The following PRKAR2B variants were observed in gnomAD, a reference collection of about 807,000 sequenced individuals.
The protein encoded by PRKAR2B is protein kinase cAMP-dependent type II regulatory subunit beta, also known as cAMP-dependent protein kinase type II-beta regulatory subunit.
In PRKAR2B, 14 loss-of-function variants were observed where a neutral mutation model predicts 49.9. The ratio of observed to expected loss-of-function variants is 0.28; its 90% CI spans 0.19 to 0.44. PRKAR2B has a LOEUF of 0.44. Ranked by LOEUF, PRKAR2B falls within the 20% of genes least tolerant of loss-of-function variation. The pLI is 1.00. For synonymous variants in PRKAR2B, 196 were observed against 197.7 expected (o/e 0.99, Z 0.07); for missense variants, 393 against 537.9 (o/e 0.73, Z 2.67).
At chr7:107,066,301 G>GTGTGTGT (rs1554362906) in intron 1 of PRKAR2B, among the ~76,000 whole-genome samples, 22 of 145,512 alleles carry the variant, frequency 1.5e-4, no homozygotes, top group African/African-American at 4.7e-4. Context: ...CTCTATGTGG[G>GTGTGTGT]GTGTGTGTGT....
At chr7:107,111,805 C>T (rs77649336) in intron 2 of PRKAR2B, among the ~76,000 whole-genome samples, 2 of 151,704 alleles carry the variant, frequency 1.3e-5, no homozygotes, top group African/African-American at 4.8e-5. Context: ...TCTAAACTGA[C>T]CCCTCTGTTC....
chr7:107,068,804 G>A (rs187658893), intron 1 of PRKAR2B: 1 of 152,266 alleles, frequency 6.6e-6, no homozygotes, highest in Admixed American at 6.5e-5. Flanking sequence ...CTCTGAGGCA[G>A]CGTTTTGATG....
intron 6 of PRKAR2B, among the ~76,000 whole-genome samples, chr7:107,149,793 A>G (rs1795950381): frequency 6.6e-6 from 1 of 152,212 alleles, no homozygotes; most frequent in East Asian, 1.9e-4. Context: ...AAGACCTAGT[A>G]TTTGGTAGCA....
chr7:107,116,866 CATATATATATATACACACATATAT>C (rs1795282877), intron 2 of PRKAR2B, among the ~76,000 whole-genome samples: 2 of 143,170 alleles, frequency 1.4e-5, no homozygotes, highest in Admixed American at 1.4e-4. Flanking sequence ...TATATATATA[CATATATATATATACACACATATAT>C]ATATATGTGT....
chr7:107,098,890 A>G (rs939804572), intron 2 of PRKAR2B, among the ~76,000 whole-genome samples: 48 of 152,198 alleles, frequency 3.2e-4, no homozygotes, highest in Non-Finnish European at 1.9e-4. Flanking sequence ...TTTGTCTCAT[A>G]GGGGCACCCA....
intron 1 of PRKAR2B, among the ~76,000 whole-genome samples, chr7:107,055,589 C>G (rs1042886432): frequency 6.6e-6 from 1 of 152,114 alleles, no homozygotes; most frequent in African/African-American, 2.4e-5. Flanking sequence ...TTTCATGTGT[C>G]TTTTGGCTGC....
intron 4 of PRKAR2B, among the ~76,000 whole-genome samples, chr7:107,138,834 C>T (rs1463526348): frequency 6.6e-6 from 1 of 152,084 alleles, no homozygotes; most frequent in Non-Finnish European, 1.5e-5. Flanking sequence ...CAAGTGTGCA[C>T]CACCATGCCC....
chr7:107,125,558 A>G (rs1283862521), intron 3 of PRKAR2B, among the ~76,000 whole-genome samples: 1 of 152,200 alleles, frequency 6.6e-6, no homozygotes, highest in Non-Finnish European at 1.5e-5. Context: ...GGAAAAATGT[A>G]GGAGAGCATC....
intron 2 of PRKAR2B, among the ~76,000 whole-genome samples, chr7:107,112,928 A>G (rs1042430335): frequency 6.6e-6 from 1 of 152,092 alleles, no homozygotes; most frequent in Non-Finnish European, 1.5e-5. Context: ...TAAAGCCCAT[A>G]TTTGATAGTT....
intron 2 of PRKAR2B, among the ~76,000 whole-genome samples, chr7:107,085,467 A>G (rs1431402760): frequency 6.6e-6 from 1 of 152,184 alleles, no homozygotes; most frequent in African/African-American, 2.4e-5. Context: ...TTACATCATT[A>G]AAAAACTTTT....
rs138870654 is a variant in PRKAR2B at position 107,064,911 on chromosome 7, T to A, written c.308-5370T>A. Among the ~76,000 whole-genome samples the A allele has an allele frequency of 3.9e-5, 6 of 152,344 alleles. No homozygotes were observed. In the East Asian group the frequency reaches 1.2e-3, roughly 29 times the overall value. On this transcript the variant is annotated intron_variant, in intron 1 of 10. Transcript: ENST00000265717. The stretch of plus-strand genomic sequence containing the variant: ...GTTAATCAGAAAAATTTTCAAGTTT[T>A]GTTGTTTATTTGCCTGTTTGCTGTT...
chr7:107,086,401 A>G (rs1047893763), intron 2 of PRKAR2B, among the ~76,000 whole-genome samples: 6 of 152,196 alleles, frequency 3.9e-5, no homozygotes, highest in Admixed American at 1.3e-4. Flanking sequence ...TTCTTAAAGT[A>G]CAGTGAGAAT....
intron 3 of PRKAR2B, among the ~76,000 whole-genome samples, chr7:107,127,669 G>A (rs1256006842): frequency 6.6e-6 from 1 of 152,252 alleles, no homozygotes; most frequent in Non-Finnish European, 1.5e-5. Flanking sequence ...TCGCTGTGGG[G>A]CAGGTACATA....
intron 2 of PRKAR2B, among the ~76,000 whole-genome samples, chr7:107,085,515 A>AGTAGT (rs1390663789): frequency 2.0e-5 from 3 of 152,202 alleles, no homozygotes; most frequent in Non-Finnish European, 2.9e-5. Flanking sequence ...AAAAAAGTGA[A>AGTAGT]GTAGTACAGA....
intron 3 of PRKAR2B, among the ~76,000 whole-genome samples, chr7:107,123,265 T>C (rs1419179862): frequency 6.6e-6 from 1 of 152,198 alleles, no homozygotes; most frequent in Non-Finnish European, 1.5e-5. Context: ...CAAAAGCTGT[T>C]AGGCCTTGAA....
chr7:107,114,346 G>C (rs1006191963), intron 2 of PRKAR2B, among the ~76,000 whole-genome samples: 2 of 138,008 alleles, frequency 1.4e-5, no homozygotes, highest in Non-Finnish European at 3.0e-5. Flanking sequence ...GTGTGTGTGT[G>C]TGTGTGTGTG....
intron 4 of PRKAR2B, among the ~76,000 whole-genome samples, chr7:107,140,577 T>G (rs1389677311): frequency 1.3e-5 from 2 of 152,210 alleles, no homozygotes; most frequent in African/African-American, 4.8e-5. Context: ...GTTTGGTGGT[T>G]AAATTTTCAT....
intron 6 of PRKAR2B, among the ~76,000 whole-genome samples, chr7:107,148,305 G>A (rs1167686135): frequency 2.6e-5 from 4 of 152,190 alleles, no homozygotes; most frequent in Non-Finnish European, 5.9e-5. Flanking sequence ...ACACAGTGAG[G>A]AAACTGCCTC....
chr7:107,074,878 TTAATCAAGAAATAA>T (rs1466264176), intron 2 of PRKAR2B, among the ~76,000 whole-genome samples: 1 of 152,096 alleles, frequency 6.6e-6, no homozygotes, highest in Admixed American at 6.6e-5. Context: ...GAGTAAAGCT[TTAATCAAGAAATAA>T]TCCTGTTGCT....
Sources: allele counts gnomAD v4.1 joint callset (sites outside exome capture counted in the v4.1 genomes callset), GRCh38; gene constraint gnomAD v4.1.1; transcripts MANE v1.5; gene names NCBI Gene and HGNC (gene_info 2026-07-23, HGNC 2026-07-21).